The following PAM variants were observed in gnomAD, a reference collection of about 807,000 sequenced individuals.
The protein encoded by PAM is peptidyl-glycine alpha-amidating monooxygenase.
Under a neutral mutation model 122.1 loss-of-function variants are expected in PAM, and 72 were observed. The ratio of observed to expected loss-of-function variants is 0.59; its 90% confidence interval spans 0.49 to 0.72. PAM has a LOEUF of 0.72. Ranked by LOEUF, PAM falls within the 30% of genes least tolerant of loss-of-function variation. PAM has a pLI of 0.00. For missense variants in PAM, 1,106 were observed against 1,183.7 expected, an observed-to-expected ratio of 0.93 and a Z score of 0.96; for synonymous variants, 389 against 404.4, an observed-to-expected ratio of 0.96 and a Z score of 0.46.
chr5:102,898,072 C>G (rs542533473), intron 3 of PAM, among the ~76,000 whole-genome samples: 8 of 151,536 alleles, frequency 5.3e-5, no homozygotes, highest in Middle Eastern at 3.4e-3. Flanking sequence ...AGTAATAAAG[C>G]CTTTTTATTT....
At chr5:102,973,994 A>T (rs1766740191) in intron 14 of PAM, 122 bp from the exon 15 acceptor site, 3 of 623,766 alleles carry the variant, frequency 4.8e-6, no homozygotes, top group Middle Eastern at 3.8e-4. Flanking sequence ...TAAAAGTCTG[A>T]GTGCAAACTT....
intron 5 of PAM, among the ~76,000 whole-genome samples, chr5:102,915,883 A>G (rs1802954162): frequency 6.6e-6 from 1 of 152,136 alleles, no homozygotes; most frequent in Non-Finnish European, 1.5e-5. Flanking sequence ...TAAAATATTT[A>G]TTAGTATTCT....
At chr5:102,948,311 C>T (rs1489397494) in intron 8 of PAM, 67 bp from the exon 9 acceptor site, 2 of 846,300 alleles carry the variant, frequency 2.4e-6, no homozygotes, top group Non-Finnish European at 4.0e-6. Context: ...GAGGTATATG[C>T]TGTTTTTCCA....
At chr5:102,775,094 A>C (rs1191162500) in intron 1 of PAM, among the ~76,000 whole-genome samples, 1 of 151,784 alleles carries the variant, frequency 6.6e-6, no homozygotes, top group Non-Finnish European at 1.5e-5. Context: ...TTTTCCATGG[A>C]TTTTACAAAT....
At chr5:102,856,685 AT>A (rs1218389073) in intron 1 of PAM, among the ~76,000 whole-genome samples, 4 of 152,302 alleles carry the variant, frequency 2.6e-5, no homozygotes, top group Admixed American at 2.0e-4. Context: ...TCTGTTACTG[AT>A]CATGGAAACA....
In PAM at chr5:102,827,641, C is replaced by T. The variant is rs570279809; in HGVS notation, c.-373-38182C>T. Among the ~76,000 whole-genome samples the T allele has an allele frequency of 2.8e-5, 4 of 145,048 alleles. No individual in the cohort carries two copies. In the East Asian group the frequency reaches 8.5e-4, roughly 31 times the overall value. ...CCAGTGGAATGTAAAATAAAAATTA[C>T]AATATCTTTTGAAGCTCACTATGAT... On this transcript the variant is annotated intron_variant, in intron 1 of 25. Coordinates refer to ENST00000438793, the MANE Select transcript of PAM (RefSeq NM_001177306.2).
rs147782604 is a variant in PAM, at chr5:102,870,371, AG to A, written c.210+2979del. Among the ~76,000 whole-genome samples, 1,017 of 152,268 alleles carry A rather than the reference AG, an allele frequency of 6.7e-3. 8 individuals are homozygous for A. The highest frequency in any genetic ancestry group is 0.013 in the Non-Finnish European group (851 of 68,012). Reference sequence around the variant, plus strand: ...AAGCAGATGTAGAACAGAGGTGGAAAGAACCTTAGACATAATACAGATAGTG... The same window carrying A: ...AAGCAGATGTAGAACAGAGGTGGAAAAACCTTAGACATAATACAGATAGTG... On this transcript the variant is annotated intron_variant, in intron 3 of 25. Transcript: ENST00000438793.
chr5:103,020,165 C>T (rs964496093), intron 23 of PAM, among the ~76,000 whole-genome samples: 5 of 152,022 alleles, frequency 3.3e-5, no homozygotes, highest in African/African-American at 1.2e-4. Context: ...ACATTAACCC[C>T]AGGCAAGTAA....
chr5:102,959,773 C>T, intron 12 of PAM, 102 bp from the exon 13 acceptor site: 1 of 705,004 alleles, frequency 1.4e-6, no homozygotes, highest in Non-Finnish European at 2.5e-6. Flanking sequence ...ATATTTCTAC[C>T]TTTGAATCCA....
chr5:102,784,891 G>C (rs546151313), intron 1 of PAM, among the ~76,000 whole-genome samples: 1 of 152,318 alleles, frequency 6.6e-6, no homozygotes, highest in African/African-American at 2.4e-5. Context: ...TAAATGCCAT[G>C]TTAAGGATTT....
intron 1 of PAM, among the ~76,000 whole-genome samples, chr5:102,849,168 C>A (rs369447431): frequency 5.3e-5 from 8 of 152,080 alleles, no homozygotes; most frequent in African/African-American, 1.9e-4. Context: ...ATTATATAAA[C>A]CCCTATCCAC....
chr5:102,974,098 C>T lies in PAM; in HGVS notation c.1163-18C>T. ...TTATCTACCCTCCACGCCCTTATCT[C>T]TTCTCTTTTTTCCACAGGTGATTTC... On this transcript the variant is annotated intron_variant, in intron 14 of 25. Coordinates refer to ENST00000438793, the MANE Select transcript of PAM (RefSeq NM_001177306.2). 1 of 1,595,400 alleles carries T rather than the reference C, an allele frequency of 6.3e-7. No homozygotes were observed. The highest frequency in any genetic ancestry group is 8.6e-7 in the Non-Finnish European group (1 of 1,166,078).
At chr5:102,919,750 T>C (rs78086963) in intron 5 of PAM, among the ~76,000 whole-genome samples, 2,342 of 152,264 alleles carry the variant, frequency 0.015, 46 homozygotes, top group African/African-American at 0.052. Context: ...ATTGGGATAG[T>C]ATAACGGATC....
intron 14 of PAM, among the ~76,000 whole-genome samples, chr5:102,964,658 C>A (rs1763491164): frequency 6.6e-6 from 1 of 151,658 alleles, no homozygotes; most frequent in South Asian, 2.1e-4. Context: ...AAATAGAAAT[C>A]ATCCGTAGTC....
chr5:102,961,059 T>A (rs1466086808), intron 13 of PAM, 99 bp from the exon 14 acceptor site: 1 of 659,872 alleles, frequency 1.5e-6, no homozygotes, highest in African/African-American at 1.9e-5. Flanking sequence ...CACAAGACCC[T>A]GAATAGTATT....
chr5:102,861,172 A>G (rs867073421), intron 1 of PAM, among the ~76,000 whole-genome samples: 1 of 152,198 alleles, frequency 6.6e-6, no homozygotes, highest in Non-Finnish European at 1.5e-5. Context: ...GCTCCAGTCA[A>G]GCCTTCAGAT....
intron 1 of PAM, among the ~76,000 whole-genome samples, chr5:102,846,657 A>G (rs1349823184): frequency 6.6e-6 from 1 of 152,212 alleles, no homozygotes; most frequent in Non-Finnish European, 1.5e-5. Context: ...GGCAGGTTAT[A>G]TAGCAAGGAC....
intron 1 of PAM, among the ~76,000 whole-genome samples, chr5:102,862,795 A>G (rs896802250): frequency 6.6e-6 from 1 of 152,222 alleles, no homozygotes; most frequent in Non-Finnish European, 1.5e-5. Context: ...GAAGAAACTG[A>G]AGCTAGAGAG....
intron 1 of PAM, among the ~76,000 whole-genome samples, chr5:102,817,320 G>A (rs1770219486): frequency 6.6e-6 from 1 of 151,922 alleles, no homozygotes. Context: ...ATCTCAATAT[G>A]GTAGCCACTT....
Sources: gnomAD v4.1 joint callset for allele counts (sites outside exome capture counted in the v4.1 genomes callset) on GRCh38, gnomAD v4.1.1 for gene constraint, MANE v1.5 for transcripts, NCBI Gene and HGNC (gene_info 2026-07-23, HGNC 2026-07-21) for gene names.